The following BECN1 variants were observed in gnomAD, a reference collection of about 807,000 sequenced individuals.
BECN1 encodes beclin-1.
A neutral mutation model predicts 60.1 loss-of-function variants in BECN1; 15 were observed. The ratio of observed to expected loss-of-function variants is 0.25; its 90% CI spans 0.17 to 0.38. The LOEUF is 0.38. BECN1 is among the 10% of genes least tolerant of loss of function. The pLI is 1.00. For missense variants in BECN1, 424 were observed against 548.2 expected (o/e 0.77, Z 2.26); for synonymous variants, 179 against 201.8 (o/e 0.89, Z 0.96).
rs199808010 is a variant in BECN1, at chr17:42,818,240, G to A, written c.664C>T (p.Leu222=). 8.7e-5 allele frequency: 141 copies of A among 1,614,004 alleles called. No individual in the cohort carries two copies. The highest frequency in any genetic ancestry group is 1.1e-4 in the Non-Finnish European group (131 of 1,180,022). The stretch of plus-strand genomic sequence containing the variant: ...ACTCACTGAGCTTCCTCCTGATCCA[G>A]TCTCTCAGCCTCAGCCTGGACCTTC... The part of the protein sequence containing the change: ...LEKVQAEAER[L]DQEEAQYQRE... Residue 222 remains leucine (L), a synonymous_variant, in exon 7 of 12, where the codon CTG becomes TTG. Transcript: ENST00000590099.
rs1165576931 is a variant in BECN1, at chr17:42,824,219, G to C, written c.-67C>G. The C allele has an allele frequency of 2.4e-6, 1 of 410,312 alleles. No individual in the cohort carries two copies. Among genetic ancestry groups the C allele is most frequent in the Non-Finnish European group, 4.3e-6 (1 of 231,642 alleles). 25.4% of individuals were successfully genotyped at this position (410,312 alleles called of 1,614,324 possible). On this transcript the variant is annotated 5_prime_UTR_variant, in exon 1 of 12. Transcript: ENST00000590099. ...GCGGAGGCACTGTGGCCTCGGGTCG[G>C]CCCCGGAGCGAGGCCTCCAGAACTA...
At chr17:42,811,557 TCCCAC>T in intron 11 of BECN1, 93 bp downstream of exon 11, 6 of 1,493,054 alleles carry the variant, frequency 4.0e-6, no homozygotes, top group Admixed American at 4.3e-5. Flanking sequence ...TTTTTTGCTT[TCCCAC>T]CATTTATACT....
rs1287961659 is a variant in BECN1 at position 42,824,014 on chromosome 17, T to C, written c.-2-135A>G. On this transcript the variant is annotated intron_variant, in intron 1 of 11. Transcript: ENST00000590099. Reference sequence around the variant, plus strand: ...TGCGCCGTTCCCTCTAGGAATGGTATGATACGGGGAGGACCTGCTTCCGGG... The same window carrying C: ...TGCGCCGTTCCCTCTAGGAATGGTACGATACGGGGAGGACCTGCTTCCGGG... 14 of 1,179,584 alleles carry C rather than the reference T, an allele frequency of 1.2e-5. No individual in the cohort carries two copies. In the Admixed American group the frequency reaches 2.9e-4, roughly 25 times the overall value. The allele number at this position is 1,179,584 out of a possible 1,614,324, so 73.1% of individuals were successfully genotyped here. A position where few individuals can be genotyped will look rare whatever the true frequency, so the allele number is the denominator to read the frequency against.
intron 11 of BECN1, 125 bp from the exon 12 acceptor site, chr17:42,811,053 A>T: frequency 9.4e-7 from 1 of 1,058,588 alleles, no homozygotes; most frequent in Middle Eastern, 3.0e-4. Context: ...GTGAGGAATG[A>T]TAGTGTATTT....
chr17:42,814,372 G>A (rs946969574), intron 9 of BECN1, 152 bp downstream of exon 9: 6 of 1,024,896 alleles, frequency 5.9e-6, no homozygotes, highest in South Asian at 4.8e-5. Flanking sequence ...CCTGTGATGA[G>A]GGGAAAATCA....
Position 42,818,652 on chromosome 17 carries a change from G to A in BECN1, c.380C>T (p.Ser127Leu), listed in dbSNP as rs754804701. ...TGGGTGATCCACATCTGTCTGGCCC[G>A]ACATGATGTCAAAAAGGTCCCCAGT... ...KVTGDLFDIM[S>L]GQTDVDHPLC... Residue 127 changes from serine to leucine, a missense_variant, in exon 6 of 12, where the codon TCG becomes TTG. Physicochemically the swap from Ser to Leu is moderately radical, Grantham distance 145 (BLOSUM62 -2). Coordinates refer to ENST00000590099, the MANE Select transcript of BECN1 (RefSeq NM_001313998.2). 3.7e-6 allele frequency: 6 copies of A among 1,614,178 alleles called. No homozygotes were observed. The highest frequency in any genetic ancestry group is 2.2e-5 in the East Asian group (1 of 44,884).
intron 10 of BECN1, 98 bp from the exon 11 acceptor site, chr17:42,811,895 G>C (rs1278040058): frequency 1.4e-6 from 2 of 1,417,290 alleles, no homozygotes; most frequent in Non-Finnish European, 1.9e-6. Flanking sequence ...TGTTCTGTCT[G>C]TATCCCACTG....
Position 42,823,915 on chromosome 17 carries a change from G to A in BECN1, c.-2-36C>T, listed in dbSNP as rs147836387. 1,378 of 1,603,830 alleles carry A rather than the reference G, an allele frequency of 8.6e-4. 1 individual carries two copies. The highest frequency in any genetic ancestry group is 1.1e-3 in the Non-Finnish European group (1,250 of 1,172,488). On this transcript the variant is annotated intron_variant, in intron 1 of 11. Coordinates refer to ENST00000590099, the MANE Select transcript of BECN1 (RefSeq NM_001313998.2). ...GGAAAAGAGGCAACATTAGGGAGAA[G>A]CGACGCCCTTGACCTCCGGCCCGGG...
chr17:42,814,059 T>G, intron 9 of BECN1, 51 bp from the exon 10 acceptor site: 1 of 1,320,394 alleles, frequency 7.6e-7, no homozygotes, highest in Non-Finnish European at 1.1e-6. Context: ...CCCAAAGTGA[T>G]TATTGGGAAG....
At chr17:42,819,679 C>A (rs2055221528) in intron 3 of BECN1, 70 bp from the exon 4 acceptor site, 1 of 1,480,302 alleles carries the variant, frequency 6.8e-7, no homozygotes, top group Non-Finnish European at 9.3e-7. Flanking sequence ...CAAACAGCCT[C>A]AGAACTATAT....
Position 42,821,674 on chromosome 17 carries a change from T to C in BECN1, c.131-833A>G, listed in dbSNP as rs773943700. Among the ~76,000 whole-genome samples, 4 of 152,224 alleles carry C rather than the reference T, an allele frequency of 2.6e-5. 1 individual carries two copies. The highest frequency in any genetic ancestry group is 5.9e-5 in the Non-Finnish European group (4 of 68,040). Reference sequence around the variant, plus strand: ...ATCCAGATTACATCAGTGTATCCATTTGTCAAAAATGTACAGCTAAGATTC... The same window carrying C: ...ATCCAGATTACATCAGTGTATCCATCTGTCAAAAATGTACAGCTAAGATTC... On this transcript the variant is annotated intron_variant, in intron 2 of 11. Transcript: ENST00000590099.
Position 42,818,803 on chromosome 17 carries a change from A to C in BECN1, c.335T>G (p.Leu112Arg), listed in dbSNP as rs765243264. 1.4e-5 allele frequency: 23 copies of C among 1,613,994 alleles called. No homozygotes were observed. Among genetic ancestry groups the C allele is most frequent in the Non-Finnish European group, 1.9e-5 (22 of 1,180,032 alleles). The change falls in exon 5 of 12, where the codon CTC becomes CGC. Residue 112 changes from leucine (L) to arginine (R), a missense_variant. This residue lies in a region of BECN1 where 326 missense variants were observed against 406.2 expected (regional missense o/e 0.80). Coordinates refer to ENST00000590099, the MANE Select transcript of BECN1 (RefSeq NM_001313998.2). ...CCGACTTGCCTTCAGTCTTCGGCTG[A>C]GGTTCTCCATGGTGCCGCCATCAGA... ...EASDGGTMEN[L>R]SRRLKVTGDL... is the part of the protein sequence containing the mutation.
At chr17:42,821,868 CTATA>C (rs2055271176) in intron 2 of BECN1, among the ~76,000 whole-genome samples, 1 of 152,174 alleles carries the variant, frequency 6.6e-6, no homozygotes, top group African/African-American at 2.4e-5. Context: ...ATTCTCTTGA[CTATA>C]TATGTCTCAA....
At chr17:42,816,826 C>T (rs1247638230) in intron 7 of BECN1, among the ~76,000 whole-genome samples, 1 of 151,816 alleles carries the variant, frequency 6.6e-6, no homozygotes, top group Non-Finnish European at 1.5e-5. Flanking sequence ...TAAAATTAGC[C>T]AGGCGTGGTG....
intron 4 of BECN1, chr17:42,819,123 A>T (rs2055207961): frequency 1.8e-6 from 1 of 542,608 alleles, no homozygotes; most frequent in South Asian, 2.8e-5. Context: ...AGCATAAAAA[A>T]TTCATATGTC....
At position 42,810,626 on chromosome 17, in the gene BECN1, G is replaced by A; in HGVS notation, c.*134C>T. 3.3e-6 allele frequency: 3 copies of A among 911,600 alleles called. No individual in the cohort carries two copies. The highest frequency in any genetic ancestry group is 4.7e-6 in the Non-Finnish European group (3 of 641,026). 56.5% of individuals were successfully genotyped at this position (911,600 alleles called of 1,614,324 possible). A position where few individuals can be genotyped will look rare whatever the true frequency, so the allele number is the denominator to read the frequency against. On this transcript the variant is annotated 3_prime_UTR_variant, in exon 12 of 12. Coordinates refer to ENST00000590099, the MANE Select transcript of BECN1 (RefSeq NM_001313998.2). ...TCACATGATATTTTAAAATAAAGTG[G>A]CTTTTGTGGATTTTTTCTTTTTTGG...
chr17:42,811,681 GC>G lies in BECN1; in HGVS notation c.1157del (p.Gly386AlafsTer48), dbSNP rs1366482067. ...TGTAGGGAAGACAAAAACGTGTCTC[GC>G]CTTTCTCAACCTCTTCTTTGAACTG... ...VQQFKEEVEK[G>X]ETRFCLPYRM... On this transcript the variant is annotated frameshift_variant, in exon 11 of 12. Coordinates refer to ENST00000590099, the MANE Select transcript of BECN1 (RefSeq NM_001313998.2). LOFTEE classifies it high-confidence loss of function. The G allele has an allele frequency of 1.9e-6, 3 of 1,613,966 alleles. No homozygotes were observed. The highest frequency in any genetic ancestry group is 2.5e-6 in the Non-Finnish European group (3 of 1,179,954).
At chr17:42,815,616 A>C in intron 8 of BECN1, 1 of 434,270 alleles carries the variant, frequency 2.3e-6, no homozygotes, top group East Asian at 4.5e-5. Flanking sequence ...ACAGTTATTA[A>C]ATTAATGGAA....
chr17:42,814,979 T>C (rs956343388), intron 8 of BECN1: 13 of 387,704 alleles, frequency 3.4e-5, no homozygotes, highest in Non-Finnish European at 5.3e-5. Context: ...CCAAATTCAA[T>C]GCTACTATTC....
Sources: gnomAD v4.1 joint callset for allele counts (sites outside exome capture counted in the v4.1 genomes callset) on GRCh38, gnomAD v4.1.1 for gene constraint, gnomAD v4.1.1 regional missense constraint, MANE v1.5 for transcripts, NCBI Gene and HGNC (gene_info 2026-07-23, HGNC 2026-07-21) for gene names.